The following ARHGAP42 variants were observed in gnomAD, a reference collection of about 807,000 sequenced individuals.
ARHGAP42 encodes rho GTPase-activating protein 42.
ARHGAP42 carries 63 observed loss-of-function variants against 125.0 expected under a neutral mutation model. That is an observed-to-expected ratio of 0.50 (90% CI 0.41 to 0.62). The LOEUF is 0.62. Among genes scored for constraint, ARHGAP42 ranks in the 20% least tolerant of loss-of-function variants. ARHGAP42 has a pLI of 0.00. For missense variants in ARHGAP42, 766 were observed against 1,024.2 expected (o/e 0.75, Z 3.44); for synonymous variants, 339 against 351.0 (o/e 0.97, Z 0.38).
chr11:100,913,172 A>G (rs926842234), intron 4 of ARHGAP42, among the ~76,000 whole-genome samples: 3 of 152,052 alleles, frequency 2.0e-5, no homozygotes, highest in African/African-American at 4.8e-5. Context: ...CCCTACCCAT[A>G]CTACAGTTCC....
At chr11:100,710,859 A>G (rs1861554304) in intron 1 of ARHGAP42, among the ~76,000 whole-genome samples, 1 of 152,128 alleles carries the variant, frequency 6.6e-6, no homozygotes, top group South Asian at 2.1e-4. Context: ...TATTAGAAGA[A>G]AATCTCGTAG....
intron 2 of ARHGAP42, among the ~76,000 whole-genome samples, chr11:100,788,593 T>A (rs1863489979): frequency 2.0e-5 from 3 of 152,202 alleles, no homozygotes; most frequent in Non-Finnish European, 4.4e-5. Context: ...AAAATCTTAT[T>A]TGATGTTGTG....
At chr11:100,695,882 A>G (rs1365532388) in intron 1 of ARHGAP42, among the ~76,000 whole-genome samples, 1 of 152,206 alleles carries the variant, frequency 6.6e-6, no homozygotes, top group East Asian at 1.9e-4. Flanking sequence ...TTTGAGGATA[A>G]TTCCTCTAAT....
At chr11:100,817,345 C>G (rs947400092) in intron 3 of ARHGAP42, among the ~76,000 whole-genome samples, 1 of 152,130 alleles carries the variant, frequency 6.6e-6, no homozygotes, top group Non-Finnish European at 1.5e-5. Context: ...GGGTGCCTTT[C>G]TAGTGTATCT....
At chr11:100,798,954 T>G (rs1455956934) in intron 3 of ARHGAP42, among the ~76,000 whole-genome samples, 1 of 152,198 alleles carries the variant, frequency 6.6e-6, no homozygotes, top group Non-Finnish European at 1.5e-5. Flanking sequence ...GTGGCAGTTG[T>G]AGAAATGAAC....
At chr11:100,800,700 C>T (rs955575125) in intron 3 of ARHGAP42, among the ~76,000 whole-genome samples, 11 of 152,088 alleles carry the variant, frequency 7.2e-5, no homozygotes, top group African/African-American at 2.2e-4. Flanking sequence ...ATTCTGCTTT[C>T]GTGAAATCAT....
chr11:100,847,791 G>A (rs1248360540), intron 3 of ARHGAP42, among the ~76,000 whole-genome samples: 1 of 152,146 alleles, frequency 6.6e-6, no homozygotes, highest in African/African-American at 2.4e-5. Context: ...GAGAAGCCTG[G>A]GACCTGCATT....
At chr11:100,700,819 C>A (rs1348875761) in intron 1 of ARHGAP42, among the ~76,000 whole-genome samples, 1 of 152,204 alleles carries the variant, frequency 6.6e-6, no homozygotes, top group Non-Finnish European at 1.5e-5. Flanking sequence ...TTTTTCCAGA[C>A]TTCTATTAAT....
chr11:100,958,140 C>T (rs906920763), intron 12 of ARHGAP42, among the ~76,000 whole-genome samples: 40 of 150,970 alleles, frequency 2.6e-4, no homozygotes, highest in African/African-American at 9.7e-4. Context: ...TGTTGTTGTC[C>T]TTAAAACTGA....
At chr11:100,956,527 G>A (rs1275097205) in intron 12 of ARHGAP42, among the ~76,000 whole-genome samples, 1 of 152,110 alleles carries the variant, frequency 6.6e-6, no homozygotes, top group African/African-American at 2.4e-5. Context: ...AAAGACACAT[G>A]TCACTTCTGT....
At chr11:100,973,094 C>T in intron 17 of ARHGAP42, 81 bp from the exon 18 acceptor site, 1 of 1,259,736 alleles carries the variant, frequency 7.9e-7, no homozygotes, top group Non-Finnish European at 1.1e-6. Flanking sequence ...ACATTTTTTG[C>T]ACCACAAATT....
intron 4 of ARHGAP42, among the ~76,000 whole-genome samples, chr11:100,904,214 G>A (rs1020180056): frequency 6.6e-6 from 1 of 151,080 alleles, no homozygotes; most frequent in Non-Finnish European, 1.5e-5. Flanking sequence ...TACAAATATC[G>A]AACACCCCCT....
intron 4 of ARHGAP42, among the ~76,000 whole-genome samples, chr11:100,863,081 C>CACAA (rs1865484949): frequency 6.9e-6 from 1 of 145,576 alleles, no homozygotes; most frequent in African/African-American, 2.6e-5. Flanking sequence ...CACACACACA[C>CACAA]AACAACAAAA....
intron 1 of ARHGAP42, among the ~76,000 whole-genome samples, chr11:100,710,538 G>GTTTTTTT (rs57891043): frequency 8.4e-5 from 9 of 107,238 alleles, no homozygotes; most frequent in African/African-American, 2.0e-4. Flanking sequence ...CCGGCCAGCA[G>GTTTTTTT]TTTTTTTTTT....
intron 1 of ARHGAP42, among the ~76,000 whole-genome samples, chr11:100,766,458 G>A (rs1862831470): frequency 6.6e-6 from 1 of 152,046 alleles, no homozygotes; most frequent in Admixed American, 6.6e-5. Flanking sequence ...TAAAATCAAG[G>A]CCTTTCTATT....
At chr11:100,846,280 A>G (rs1865063355) in intron 3 of ARHGAP42, among the ~76,000 whole-genome samples, 1 of 152,152 alleles carries the variant, frequency 6.6e-6, no homozygotes, top group African/African-American at 2.4e-5. Flanking sequence ...TACTGAATCC[A>G]TGCATTTCTG....
chr11:100,838,713 C>G (rs1339458870), intron 3 of ARHGAP42, among the ~76,000 whole-genome samples: 5 of 138,392 alleles, frequency 3.6e-5, no homozygotes, highest in Non-Finnish European at 6.5e-5. Context: ...CAAAATAAAA[C>G]AAAAACACCA....
chr11:100,823,683 C>G (rs1272369148), intron 3 of ARHGAP42, among the ~76,000 whole-genome samples: 8 of 152,170 alleles, frequency 5.3e-5, no homozygotes, highest in Non-Finnish European at 2.9e-5. Flanking sequence ...CCAGCAAAAT[C>G]TGAGATAGTT....
At chr11:100,931,817 C>A (rs1479310960) in intron 6 of ARHGAP42, among the ~76,000 whole-genome samples, 1 of 151,956 alleles carries the variant, frequency 6.6e-6, no homozygotes, top group Non-Finnish European at 1.5e-5. Flanking sequence ...TTGTTTGTGC[C>A]ATAGTATATG....
Sources: allele counts gnomAD v4.1 joint callset (sites outside exome capture counted in the v4.1 genomes callset), GRCh38; gene constraint gnomAD v4.1.1; transcripts MANE v1.5; gene names NCBI Gene and HGNC (gene_info 2026-07-23, HGNC 2026-07-21).